The following GPHN variants were observed in gnomAD, a reference collection of about 807,000 sequenced individuals.
The protein encoded by GPHN is gephyrin.
Under a neutral mutation model 95.5 loss-of-function variants are expected in GPHN, and 17 were observed. That is an observed-to-expected ratio of 0.18 (90% CI 0.12 to 0.27). The LOEUF (loss-of-function observed/expected upper bound fraction) is 0.27. Among genes scored for constraint, GPHN ranks in the 10% least tolerant of loss-of-function variants. The probability of loss-of-function intolerance (pLI) is 1.00; values close to 1 mark genes in which losing one functional copy is unlikely to be tolerated. For missense variants in GPHN, 660 were observed against 978.1 expected, an observed-to-expected ratio of 0.67 and a Z score of 4.34; for synonymous variants, 320 against 322.5, an observed-to-expected ratio of 0.99 and a Z score of 0.08.
the GPHN span, among the ~76,000 whole-genome samples, chr14:67,734,608 G>A: frequency 6.6e-6 from 1 of 152,218 alleles, no homozygotes; most frequent in African/African-American, 2.4e-5. Flanking sequence ...GGCAAAGACA[G>A]CAGCTGGAAT....
intron 1 of GPHN, among the ~76,000 whole-genome samples, chr14:66,542,033 G>A (rs117675799): frequency 6.6e-6 from 1 of 152,062 alleles, no homozygotes; most frequent in Non-Finnish European, 1.5e-5. Context: ...AAATTTTATA[G>A]TATTTTGTTA....
At chr14:66,773,962 A>T (rs1023960904) in intron 2 of GPHN, among the ~76,000 whole-genome samples, 1 of 148,780 alleles carries the variant, frequency 6.7e-6, no homozygotes, top group Non-Finnish European at 1.5e-5. Flanking sequence ...TTGACTGCTG[A>T]CATAAGGTAA....
At chr14:66,849,541 C>T (rs764273567) in intron 4 of GPHN, among the ~76,000 whole-genome samples, 14 of 151,676 alleles carry the variant, frequency 9.2e-5, no homozygotes, top group Non-Finnish European at 1.5e-4. Context: ...GTTAATCTTA[C>T]CAATCTGGTA....
chr14:67,380,775 T>C, the GPHN span: 1 of 1,449,818 alleles, frequency 6.9e-7, no homozygotes, highest in South Asian at 1.4e-5. Context: ...GGTAAATGAT[T>C]TTTTAAATGA....
At chr14:67,659,629 C>G in the GPHN span, 2 of 1,185,360 alleles carry the variant, frequency 1.7e-6, no homozygotes, top group African/African-American at 3.1e-5. Context: ...AAACAAGAGT[C>G]TAGTATACAC....
the GPHN span, among the ~76,000 whole-genome samples, chr14:67,259,606 T>C: frequency 1.3e-5 from 2 of 151,728 alleles, no homozygotes; most frequent in Non-Finnish European, 2.9e-5. Context: ...AGCAAGACTG[T>C]CTCTAAATAA....
chr14:67,129,015 T>C (rs1007906283), intron 17 of GPHN, among the ~76,000 whole-genome samples: 88 of 151,762 alleles, frequency 5.8e-4, no homozygotes, highest in African/African-American at 2.1e-3. Flanking sequence ...GGTTTCTCCA[T>C]GTTTGTCAGG....
intron 1 of GPHN, among the ~76,000 whole-genome samples, chr14:66,645,894 T>G (rs2064719704): frequency 6.6e-6 from 1 of 152,024 alleles, no homozygotes; most frequent in Non-Finnish European, 1.5e-5. Context: ...GAGGTTAAAA[T>G]GTATGTACAG....
At chr14:67,279,267 C>T in the GPHN span, 7 of 1,613,616 alleles carry the variant, frequency 4.3e-6, no homozygotes, top group Admixed American at 3.3e-5. Flanking sequence ...TCAGAAGCAC[C>T]GAGAGATGGC....
At chr14:66,883,494 G>A (rs551884427) in intron 5 of GPHN, among the ~76,000 whole-genome samples, 30 of 151,880 alleles carry the variant, frequency 2.0e-4, no homozygotes, top group Non-Finnish European at 4.4e-4. Flanking sequence ...TCAATATCTG[G>A]CTTACCTTGG....
At chr14:67,522,098 G>A in the GPHN span, among the ~76,000 whole-genome samples, 140 of 152,300 alleles carry the variant, frequency 9.2e-4, no homozygotes, top group African/African-American at 3.2e-3. Flanking sequence ...GCTTGAACCC[G>A]GGAGGCGGAG....
intron 10 of GPHN, among the ~76,000 whole-genome samples, chr14:67,050,840 G>T (rs933251362): frequency 1.4e-5 from 2 of 147,812 alleles, no homozygotes; most frequent in African/African-American, 5.0e-5. Context: ...AGGAAAAGCA[G>T]AGTGGAGTGA....
At chr14:67,166,944 C>T (rs1274056815) in intron 20 of GPHN, among the ~76,000 whole-genome samples, 2 of 152,200 alleles carry the variant, frequency 1.3e-5, no homozygotes, top group East Asian at 3.8e-4. Context: ...TTTGGGATTA[C>T]AGGCATGAGC....
the GPHN span, among the ~76,000 whole-genome samples, chr14:67,297,794 A>T: frequency 6.6e-6 from 1 of 152,262 alleles, no homozygotes; most frequent in Non-Finnish European, 1.5e-5. Context: ...TAAATATTTC[A>T]GTGCTATTTG....
chr14:66,919,339 A>G (rs2066081875), intron 6 of GPHN, among the ~76,000 whole-genome samples: 1 of 152,208 alleles, frequency 6.6e-6, no homozygotes, highest in African/African-American at 2.4e-5. Flanking sequence ...AGGAGAAGGG[A>G]TAGGAAAAGA....
chr14:67,089,123 T>TC, intron 12 of GPHN, 48 bp downstream of exon 12: 1 of 636,146 alleles, frequency 1.6e-6, no homozygotes, highest in Non-Finnish European at 2.6e-6. Flanking sequence ...GTATTTTTTT[T>TC]TCTTTTTTTC....
chr14:67,198,130 C>T, the GPHN span: 1 of 1,589,412 alleles, frequency 6.3e-7, no homozygotes, highest in South Asian at 1.1e-5. Flanking sequence ...GTTTCCATTC[C>T]CTCAGTTTTT....
chr14:67,538,453 T>G, the GPHN span, among the ~76,000 whole-genome samples: 8 of 152,362 alleles, frequency 5.3e-5, no homozygotes, highest in Admixed American at 5.2e-4. Context: ...TTTGACAAGT[T>G]ACAAACTCTA....
intron 3 of GPHN, among the ~76,000 whole-genome samples, chr14:66,822,158 G>A (rs2061219150): frequency 6.6e-6 from 1 of 152,112 alleles, no homozygotes; most frequent in African/African-American, 2.4e-5. Flanking sequence ...CACCATCTTG[G>A]CCTGGGTGGC....
Sources: allele counts gnomAD v4.1 joint callset (sites outside exome capture counted in the v4.1 genomes callset), GRCh38; gene constraint gnomAD v4.1.1; transcripts MANE v1.5; gene names NCBI Gene and HGNC (gene_info 2026-07-23, HGNC 2026-07-21).